The following GRB10 variants were observed in gnomAD, a reference collection of about 807,000 sequenced individuals.
GRB10 encodes growth factor receptor-bound protein 10.
Under a neutral mutation model 80.9 loss-of-function variants are expected in GRB10, and 20 were observed. The observed-to-expected ratio is 0.25, with a 90% CI of 0.17 to 0.36. GRB10 has a LOEUF of 0.36. Ranked by LOEUF, GRB10 falls within the 10% of genes least tolerant of loss-of-function variation. The probability of loss-of-function intolerance (pLI) is 1.00; values close to 1 mark genes in which losing one functional copy is unlikely to be tolerated. For synonymous variants in GRB10, 291 were observed against 291.5 expected (o/e 1.00, Z 0.02); for missense variants, 548 against 747.7 (o/e 0.73, Z 3.12).
chr7:50,666,641 G>T (rs892649033), intron 7 of GRB10, among the ~76,000 whole-genome samples: 1 of 152,140 alleles, frequency 6.6e-6, no homozygotes, highest in Admixed American at 6.5e-5. Context: ...TGTGAGGAGC[G>T]CCAGGTCCAC....
At chr7:50,730,315 A>G (rs1420721278) in intron 4 of GRB10, among the ~76,000 whole-genome samples, 1 of 152,224 alleles carries the variant, frequency 6.6e-6, no homozygotes, top group Non-Finnish European at 1.5e-5. Context: ...TATCTAATCC[A>G]AGCCACTGCT....
intron 4 of GRB10, among the ~76,000 whole-genome samples, chr7:50,709,561 T>C (rs2065564758): frequency 1.3e-5 from 2 of 150,840 alleles, no homozygotes; most frequent in Admixed American, 1.3e-4. Context: ...TAAACTCTTT[T>C]TTTTTGCTCC....
intron 13 of GRB10, among the ~76,000 whole-genome samples, chr7:50,609,430 A>G (rs1252403645): frequency 6.6e-6 from 1 of 152,266 alleles, no homozygotes; most frequent in Non-Finnish European, 1.5e-5. Flanking sequence ...GAATTGACAT[A>G]CCAGGAAGAT....
intron 2 of GRB10, among the ~76,000 whole-genome samples, chr7:50,775,160 C>A (rs1274099055): frequency 4.1e-4 from 3 of 7,240 alleles, no homozygotes; most frequent in African/African-American, 7.5e-4. Context: ...GATCCTGTCT[C>A]CAAAAAAAAA....
intron 5 of GRB10, among the ~76,000 whole-genome samples, chr7:50,677,587 A>G (rs986929573): frequency 5.9e-5 from 9 of 152,216 alleles, no homozygotes; most frequent in Non-Finnish European, 1.2e-4. Flanking sequence ...GGGCTTCAGG[A>G]AAGTTCTAGA....
intron 7 of GRB10, among the ~76,000 whole-genome samples, chr7:50,652,693 GA>G (rs531310131): frequency 2.5e-4 from 38 of 152,290 alleles, no homozygotes; most frequent in African/African-American, 9.1e-4. Flanking sequence ...TCAAATACCT[GA>G]AAATCTTAAT....
chr7:50,695,274 T>C (rs1010594975), intron 5 of GRB10, among the ~76,000 whole-genome samples: 1 of 152,200 alleles, frequency 6.6e-6, no homozygotes, highest in Non-Finnish European at 1.5e-5. Context: ...TCCAGACTGA[T>C]GTATCAACAT....
chr7:50,710,237 C>G lies in GRB10; in HGVS notation c.52-6329G>C, dbSNP rs187361245. Among the ~76,000 whole-genome samples, 158 of 152,274 alleles carry G rather than the reference C, an allele frequency of 1.0e-3. 1 individual carries two copies. Among genetic ancestry groups the G allele is most frequent in the Non-Finnish European group, 1.3e-3 (89 of 68,028 alleles). ...GCCTCCTTGACTCATCCTCACAACC[C>G]CAGCACATGGCCCAGCCTCACCCCA... On this transcript the variant is annotated intron_variant, in intron 4 of 18. Coordinates refer to ENST00000401949, the MANE Select transcript of GRB10 (RefSeq NM_001350814.2).
At chr7:50,602,309 C>T (rs1158666334) in intron 17 of GRB10, among the ~76,000 whole-genome samples, 3 of 152,202 alleles carry the variant, frequency 2.0e-5, no homozygotes, top group Admixed American at 6.5e-5. Context: ...TGGACGGGGA[C>T]GGTAGCCTTG....
chr7:50,689,188 T>A (rs1274303390), intron 5 of GRB10, among the ~76,000 whole-genome samples: 1 of 152,102 alleles, frequency 6.6e-6, no homozygotes, highest in Non-Finnish European at 1.5e-5. Context: ...ATCCCCCCCA[T>A]CAGTAGCTGG....
chr7:50,590,739 G>T lies in GRB10; in HGVS notation c.*2213C>A, dbSNP rs771116263. 2 of 152,594 alleles carry T rather than the reference G, an allele frequency of 1.3e-5. No homozygotes were observed. The highest frequency in any genetic ancestry group is 2.9e-5 in the Non-Finnish European group (2 of 68,050). 9.5% of individuals were successfully genotyped at this position (152,594 alleles called of 1,614,324 possible). A position where few individuals can be genotyped will look rare whatever the true frequency, so the allele number is the denominator to read the frequency against. On this transcript the variant is annotated 3_prime_UTR_variant, in exon 19 of 19. Transcript: ENST00000401949. ...CGCCCAGCGCGAGGCCAGCGAGCTG[G>T]GGCCTTAGGAAGTCTGCCGCCACGT... is the stretch of plus-strand genomic sequence containing the variant.
intron 2 of GRB10, among the ~76,000 whole-genome samples, chr7:50,769,605 T>A (rs1258735494): frequency 6.6e-6 from 1 of 152,040 alleles, no homozygotes; most frequent in Non-Finnish European, 1.5e-5. Context: ...GGTTCAGGGG[T>A]CTCTGAGCAC....
In GRB10 at chr7:50,732,283, G is replaced by C; in HGVS notation, c.40C>G (p.Pro14Ala). The C allele has an allele frequency of 6.2e-7, 1 of 1,614,060 alleles. No individual in the cohort carries two copies. The highest frequency in any genetic ancestry group is 8.5e-7 in the Non-Finnish European group (1 of 1,179,950). ...AGCPDSFLHHPYYQDKVEQTP... is the reference protein window; with the variant it reads ...AGCPDSFLHHAYYQDKVEQTP... ...GTGCTCGCCCATACCTGGTAGTACG[G>C]ATGGTGCAAAAAGGAATCTGGGCAG... The change falls in exon 4 of 19, where the codon CCG becomes GCG. Residue 14 changes from proline (P) to alanine (A), a missense_variant. Coordinates refer to ENST00000401949, the MANE Select transcript of GRB10 (RefSeq NM_001350814.2).
chr7:50,672,300 C>A (rs1476928723), intron 6 of GRB10, among the ~76,000 whole-genome samples: 1 of 152,208 alleles, frequency 6.6e-6, no homozygotes, highest in Non-Finnish European at 1.5e-5. Flanking sequence ...CCAGTTACCG[C>A]CCCGCTGTGC....
chr7:50,654,858 G>C (rs1414756234), intron 7 of GRB10, among the ~76,000 whole-genome samples: 1 of 152,046 alleles, frequency 6.6e-6, no homozygotes, highest in African/African-American at 2.4e-5. Context: ...CATAACTACA[G>C]TACAATGATC....
intron 3 of GRB10, among the ~76,000 whole-genome samples, chr7:50,751,923 C>T (rs1023721996): frequency 2.0e-5 from 3 of 152,146 alleles, no homozygotes; most frequent in Non-Finnish European, 4.4e-5. Context: ...GAGCCAGTCA[C>T]ATTTTCATCA....
intron 5 of GRB10, among the ~76,000 whole-genome samples, chr7:50,677,586 G>GA (rs1378639207): frequency 1.3e-5 from 2 of 152,188 alleles, no homozygotes; most frequent in Non-Finnish European, 2.9e-5. Flanking sequence ...GGGGCTTCAG[G>GA]AAAGTTCTAG....
At chr7:50,615,969 G>A (rs1280892137) in intron 11 of GRB10, among the ~76,000 whole-genome samples, 2 of 152,220 alleles carry the variant, frequency 1.3e-5, no homozygotes, top group African/African-American at 2.4e-5. Context: ...AACCCGCAGT[G>A]GGGGTGGGGC....
At chr7:50,607,905 C>A (rs971572377) in intron 13 of GRB10, among the ~76,000 whole-genome samples, 1 of 152,178 alleles carries the variant, frequency 6.6e-6, no homozygotes, top group Non-Finnish European at 1.5e-5. Context: ...GAAGTGAAGT[C>A]ATCAAGTGGG....
Sources: gnomAD v4.1 joint callset for allele counts (sites outside exome capture counted in the v4.1 genomes callset) on GRCh38, gnomAD v4.1.1 for gene constraint, MANE v1.5 for transcripts, NCBI Gene and HGNC (gene_info 2026-07-23, HGNC 2026-07-21) for gene names.